Variants in FAM167A observed in about 807,000 individuals in gnomAD.
FAM167A encodes the protein family with sequence similarity 167 member A.
In FAM167A, 23 loss-of-function variants were observed where a neutral mutation model predicts 14.9. The observed-to-expected ratio is 1.55, with a 90% CI of 1.11 to 2.19. The LOEUF (loss-of-function observed/expected upper bound fraction) is 2.19, where lower values mean the gene tolerates loss of function less well. Ranked by LOEUF, FAM167A falls within the 30% of genes most tolerant of loss-of-function variation. FAM167A has a pLI of 0.00. For synonymous variants in FAM167A, 174 were observed against 117.7 expected, an observed-to-expected ratio of 1.48 and a Z score of -3.10; for missense variants, 401 against 281.5, an observed-to-expected ratio of 1.42 and a Z score of -3.04.
chr8:11,452,410 G>A (rs1807063381), intron 1 of FAM167A, among the ~76,000 whole-genome samples: 1 of 152,244 alleles, frequency 6.6e-6, no homozygotes. Context: ...GGGCCGAGAA[G>A]TCTGGTGAGC....
chr8:11,425,230 C>G (rs1805054656), intron 2 of FAM167A, among the ~76,000 whole-genome samples: 1 of 152,190 alleles, frequency 6.6e-6, no homozygotes, highest in South Asian at 2.1e-4. Context: ...GCCTTTGGGT[C>G]TATTAACATG....
rs370927037 is a variant in FAM167A at position 11,424,596 on chromosome 8, A to G, written c.422T>C (p.Leu141Pro). The change falls in exon 3 of 3, where the codon CTC (leucine) becomes CCC (proline). Residue 141 changes from leucine to proline, a missense_variant. Coordinates refer to ENST00000284486, the MANE Select transcript of FAM167A (RefSeq NM_053279.3). ...GTTGATGTCGCCACGCAGGCGCATG[A>G]GCTGTCTGGCCAGTTGCTGGTCCTG... is the stretch of plus-strand genomic sequence containing the variant. Reference protein sequence around the residue: ...RLQDQQLARQLMRLRGDINKL... With the variant: ...RLQDQQLARQPMRLRGDINKL... 6 of 1,613,968 alleles carry G rather than the reference A, an allele frequency of 3.7e-6. No individual in the cohort carries two copies. Among genetic ancestry groups the G allele is most frequent in the Non-Finnish European group, 5.1e-6 (6 of 1,180,028 alleles).
chr8:11,430,675 C>G (rs536681996), intron 2 of FAM167A, among the ~76,000 whole-genome samples: 126 of 152,200 alleles, frequency 8.3e-4, no homozygotes, highest in African/African-American at 2.9e-3. Flanking sequence ...AGGATTAAGT[C>G]ACTAAAGATG....
At chr8:11,474,190 C>T (rs951566775) in intron 1 of FAM167A, among the ~76,000 whole-genome samples, 1 of 152,218 alleles carries the variant, frequency 6.6e-6, no homozygotes, top group South Asian at 2.1e-4. Flanking sequence ...TGTTTTATCA[C>T]GTCTGCGCGC....
chr8:11,436,972 G>T (rs753563337), intron 2 of FAM167A, among the ~76,000 whole-genome samples: 16 of 152,208 alleles, frequency 1.1e-4, no homozygotes, highest in Non-Finnish European at 2.1e-4. Flanking sequence ...ATAGATTCCT[G>T]CCTGCGCCTC....
chr8:11,448,636 C>T (rs1585265155), intron 1 of FAM167A, among the ~76,000 whole-genome samples: 1 of 152,352 alleles, frequency 6.6e-6, no homozygotes, highest in Middle Eastern at 3.4e-3. Flanking sequence ...TTTCAGGTCT[C>T]AAAACTTAGT....
rs549768758 is a variant in FAM167A, at chr8:11,432,661, C to A, written c.382-8025G>T. Among the ~76,000 whole-genome samples the A allele has an allele frequency of 2.6e-5, 4 of 152,282 alleles. No individual in the cohort carries two copies. The South Asian group carries it at 8.3e-4, about 32-fold the overall frequency. On this transcript the variant is annotated intron_variant, in intron 2 of 2. Coordinates refer to ENST00000284486, the MANE Select transcript of FAM167A (RefSeq NM_053279.3). Reference sequence around the variant, plus strand: ...ATTGTGGAAGACAGTATGGCGATTCCTCAAGGATGTAGAACAGGAAATACC... The same window carrying A: ...ATTGTGGAAGACAGTATGGCGATTCATCAAGGATGTAGAACAGGAAATACC...
At chr8:11,444,839 C>T (rs1042983716) in intron 1 of FAM167A, 31 bp from the exon 2 acceptor site, 9 of 993,476 alleles carry the variant, frequency 9.1e-6, no homozygotes, top group African/African-American at 5.2e-5. Context: ...GCATCAGTCC[C>T]GATCCCTGCC....
At chr8:11,461,468 A>C (rs1807535277) in intron 1 of FAM167A, among the ~76,000 whole-genome samples, 1 of 152,276 alleles carries the variant, frequency 6.6e-6, no homozygotes, top group East Asian at 1.9e-4. Context: ...ATTAGAGGGC[A>C]GAAAGTAGAC....
intron 1 of FAM167A, among the ~76,000 whole-genome samples, chr8:11,463,490 G>A (rs1363846637): frequency 5.3e-5 from 8 of 152,204 alleles, no homozygotes; most frequent in Admixed American, 2.6e-4. Flanking sequence ...CAGAGGCTCC[G>A]CTGGCTTCCT....
chr8:11,464,162 G>GC (rs111974099), intron 1 of FAM167A, among the ~76,000 whole-genome samples: 21,488 of 152,130 alleles, frequency 0.14, 2,045 homozygotes, highest in Non-Finnish European at 0.22. Flanking sequence ...GGTGGGAGCA[G>GC]CCCCCCTTGA....
upstream of FAM167A, among the ~76,000 whole-genome samples, chr8:11,470,929 G>A (rs140152910): frequency 6.0e-4 from 92 of 152,328 alleles, 1 homozygote; most frequent in South Asian, 8.3e-4. Flanking sequence ...GCTGATTCAG[G>A]CTGAAGTTCA....
rs1804758567 is a variant in FAM167A, at chr8:11,421,926, T to C, written c.*2447A>G. On this transcript the variant is annotated 3_prime_UTR_variant, in exon 3 of 3. Transcript: ENST00000284486. Reference sequence around the variant, plus strand: ...AAAGCTGAATTAATGTGGTTAGTTGTGTTCACTGTGCAAAGTAAGGAAGCC... The same window carrying C: ...AAAGCTGAATTAATGTGGTTAGTTGCGTTCACTGTGCAAAGTAAGGAAGCC... The C allele has an allele frequency of 1.3e-5, 5 of 398,182 alleles. No individual in the cohort carries two copies. The South Asian group carries it at 3.9e-4, about 31-fold the overall frequency. The allele number at this position is 398,182 out of a possible 1,614,324, so 24.7% of individuals were successfully genotyped here. A position where few individuals can be genotyped will look rare whatever the true frequency, so the allele number is the denominator to read the frequency against.
intron 1 of FAM167A, among the ~76,000 whole-genome samples, chr8:11,473,765 T>G (rs574982988): frequency 6.6e-6 from 1 of 152,224 alleles, no homozygotes; most frequent in Non-Finnish European, 1.5e-5. Context: ...TGAAGTTCAC[T>G]GTGAGGATTA....
chr8:11,422,382 G>GTGTGTGTGTGTT lies in FAM167A; in HGVS notation c.*1990_*1991insAACACACACACA. The GTGTGTGTGTGTT allele has an allele frequency of 2.5e-5, 3 of 119,274 alleles. No individual in the cohort carries two copies. Among genetic ancestry groups the GTGTGTGTGTGTT allele is most frequent in the Non-Finnish European group, 5.3e-5 (3 of 56,878 alleles). The allele number at this position is 119,274 out of a possible 1,614,324, so 7.4% of individuals were successfully genotyped here. ...TGTGTGTGTGTGTGGGGGTGTGTGTGTGTGTGTGTGTGTGTGTGTGTGTAG... is the reference window on the plus strand; with the variant it reads ...TGTGTGTGTGTGTGGGGGTGTGTGTGTGTGTGTGTGTTTGTGTGTGTGTGTGTGTGTGTGTAG... On this transcript the variant is annotated 3_prime_UTR_variant, in exon 3 of 3. Coordinates refer to ENST00000284486, the MANE Select transcript of FAM167A (RefSeq NM_053279.3).
intron 2 of FAM167A, among the ~76,000 whole-genome samples, chr8:11,441,972 A>C (rs1806467296): frequency 6.6e-6 from 1 of 152,232 alleles, no homozygotes; most frequent in Non-Finnish European, 1.5e-5. Context: ...TACAGGACAC[A>C]CCCCTGGTGG....
At chr8:11,432,215 A>G (rs1585236705) in intron 2 of FAM167A, among the ~76,000 whole-genome samples, 2 of 152,314 alleles carry the variant, frequency 1.3e-5, no homozygotes. Context: ...CTATGGGTCT[A>G]AAACGGCCCA....
At chr8:11,433,331 G>A (rs1385203534) in intron 2 of FAM167A, among the ~76,000 whole-genome samples, 6 of 152,156 alleles carry the variant, frequency 3.9e-5, no homozygotes, top group South Asian at 2.1e-4. Flanking sequence ...GGCAATGCAC[G>A]GACCACCAGA....
upstream of FAM167A, chr8:11,467,506 G>A (rs976432099): frequency 1.3e-5 from 2 of 152,340 alleles, no homozygotes; most frequent in African/African-American, 2.4e-5. Context: ...ACTGGATGGG[G>A]GTCTCTTACC....
Sources: allele counts gnomAD v4.1 joint callset (sites outside exome capture counted in the v4.1 genomes callset), GRCh38; gene constraint gnomAD v4.1.1; transcripts MANE v1.5; gene names NCBI Gene and HGNC (gene_info 2026-07-23, HGNC 2026-07-21).